Variants in SEMA5A observed in about 807,000 individuals in gnomAD.
SEMA5A encodes the protein semaphorin-5A.
Under a neutral mutation model 135.5 loss-of-function variants are expected in SEMA5A, and 55 were observed. The observed-to-expected ratio is 0.41, with a 90% CI of 0.33 to 0.51. The LOEUF is 0.51. Among genes scored for constraint, SEMA5A ranks in the 20% least tolerant of loss-of-function variants. The probability of loss-of-function intolerance (pLI) is 0.37; values close to 1 mark genes in which losing one functional copy is unlikely to be tolerated. For missense variants in SEMA5A, 1,290 were observed against 1,419.9 expected (o/e 0.91, Z 1.47); for synonymous variants, 580 against 546.5 (o/e 1.06, Z -0.85).
chr5:9,316,178 G>A (rs896438132), intron 5 of SEMA5A, among the ~76,000 whole-genome samples: 1 of 151,966 alleles, frequency 6.6e-6, no homozygotes, highest in African/African-American at 2.4e-5. Flanking sequence ...TTTCTTCAGC[G>A]AGCCCACTTC....
At chr5:9,160,464 G>A (rs1178134411) in intron 11 of SEMA5A, among the ~76,000 whole-genome samples, 1 of 152,148 alleles carries the variant, frequency 6.6e-6, no homozygotes. Flanking sequence ...ATAATTAAAT[G>A]TTGGTGTTTC....
chr5:9,101,008 TC>T (rs2150141674), intron 16 of SEMA5A, among the ~76,000 whole-genome samples: 1 of 152,346 alleles, frequency 6.6e-6, no homozygotes, highest in Admixed American at 6.5e-5. Flanking sequence ...CATCTAGATA[TC>T]TGGGGCTTTC....
intron 12 of SEMA5A, among the ~76,000 whole-genome samples, chr5:9,147,622 T>C: frequency 6.6e-6 from 1 of 151,812 alleles, no homozygotes; most frequent in African/African-American, 2.4e-5. Flanking sequence ...TAAGGCACAA[T>C]TTAAAAGGTG....
chr5:9,229,271 T>G (rs1209984618), intron 6 of SEMA5A, among the ~76,000 whole-genome samples: 1 of 152,250 alleles, frequency 6.6e-6, no homozygotes, highest in African/African-American at 2.4e-5. Flanking sequence ...AGACAGTGAA[T>G]CTGGTAACTG....
intron 16 of SEMA5A, among the ~76,000 whole-genome samples, chr5:9,096,976 C>T (rs1415837793): frequency 1.3e-5 from 2 of 151,950 alleles, no homozygotes; most frequent in Non-Finnish European, 1.5e-5. Context: ...AAACGAGTAA[C>T]TATGAGAGAA....
intron 2 of SEMA5A, among the ~76,000 whole-genome samples, chr5:9,380,915 G>T (rs1186505663): frequency 6.6e-6 from 1 of 151,526 alleles, no homozygotes; most frequent in African/African-American, 2.4e-5. Flanking sequence ...AACAGATGGA[G>T]GTTTCTGGAA....
chr5:9,203,301 A>T (rs1226904326), intron 8 of SEMA5A, among the ~76,000 whole-genome samples: 1 of 152,264 alleles, frequency 6.6e-6, no homozygotes, highest in African/African-American at 2.4e-5. Context: ...TAATGGAAAG[A>T]TACAGACAAC....
Position 9,119,547 on chromosome 5 carries a change from A to C in SEMA5A, c.1782-406T>G, listed in dbSNP as rs970325023. 4.6e-5 allele frequency among the ~76,000 whole-genome samples: 7 copies of C among 152,200 alleles called. No individual in the cohort carries two copies. The South Asian group carries it at 8.3e-4, about 18-fold the overall frequency. The stretch of plus-strand genomic sequence containing the variant: ...ACTTGTATTATATCATTTATAATCT[A>C]TGAGAAGTGCACCTTTGGACAAAAT... On this transcript the variant is annotated intron_variant, in intron 14 of 22. Transcript: ENST00000382496.
intron 11 of SEMA5A, among the ~76,000 whole-genome samples, chr5:9,161,486 T>A (rs1188789596): frequency 6.6e-6 from 1 of 152,238 alleles, no homozygotes; most frequent in East Asian, 1.9e-4. Flanking sequence ...TCCAAAAAAA[T>A]TATGTGATAT....
At chr5:9,436,924 C>A (rs1032016270) in intron 2 of SEMA5A, among the ~76,000 whole-genome samples, 7 of 149,938 alleles carry the variant, frequency 4.7e-5, no homozygotes, top group African/African-American at 1.7e-4. Flanking sequence ...CAAACAAGCA[C>A]GATTCGTGGT....
rs747431114 is a variant in SEMA5A at position 9,202,170 on chromosome 5, C to T, written c.717G>A (p.Glu239=). ...AGAACACTGTTTTCCCACAGTCATGCTCTACTGCATTTTCTCGGAAAAAGA... is the reference window on the plus strand; with the variant it reads ...AGAACACTGTTTTCCCACAGTCATGTTCTACTGCATTTTCTCGGAAAAAGA... The part of the protein sequence containing the change: ...TYFFFRENAV[E]HDCGKTVFSR... The change falls in exon 9 of 23, where the codon GAG becomes GAA. Residue 239 remains glutamate (E), a synonymous_variant. Coordinates refer to ENST00000382496, the MANE Select transcript of SEMA5A (RefSeq NM_003966.3). The T allele has an allele frequency of 6.0e-5, 97 of 1,614,030 alleles. 3 individuals are homozygous for T. The Middle Eastern group carries it at 6.2e-3, about 104-fold the overall frequency.
At chr5:9,253,195 A>C (rs1444045101) in intron 5 of SEMA5A, among the ~76,000 whole-genome samples, 1 of 152,190 alleles carries the variant, frequency 6.6e-6, no homozygotes, top group Non-Finnish European at 1.5e-5. Context: ...TAATGCTAAC[A>C]GAGTTGTCTG....
At chr5:9,221,738 T>C (rs1194908883) in intron 8 of SEMA5A, among the ~76,000 whole-genome samples, 1 of 152,182 alleles carries the variant, frequency 6.6e-6, no homozygotes, top group Non-Finnish European at 1.5e-5. Context: ...GCAGAAAGAA[T>C]CAGCTACAGA....
chr5:9,154,062 A>AAAAAATAT (rs1159261162), intron 12 of SEMA5A, among the ~76,000 whole-genome samples: 1 of 68,294 alleles, frequency 1.5e-5, no homozygotes, highest in Non-Finnish European at 3.1e-5. Context: ...AAAAAAAAAA[A>AAAAAATAT]ATATATATAT....
chr5:9,326,098 G>A (rs1355417596), intron 4 of SEMA5A, among the ~76,000 whole-genome samples: 2 of 152,310 alleles, frequency 1.3e-5, no homozygotes, highest in East Asian at 3.9e-4. Context: ...AGTCTCTCCT[G>A]TCCCTGCACC....
intron 2 of SEMA5A, among the ~76,000 whole-genome samples, chr5:9,401,949 T>C (rs1321269391): frequency 6.6e-6 from 1 of 152,174 alleles, no homozygotes; most frequent in African/African-American, 2.4e-5. Flanking sequence ...GCCCCGTGTA[T>C]GTGTTGCTAC....
intron 14 of SEMA5A, among the ~76,000 whole-genome samples, chr5:9,120,281 AT>A (rs1351786747): frequency 1.3e-5 from 2 of 152,074 alleles, no homozygotes; most frequent in African/African-American, 4.8e-5. Context: ...TACTTCGTGT[AT>A]TTCCTTTTAA....
chr5:9,092,866 T>A (rs934934268), intron 16 of SEMA5A, among the ~76,000 whole-genome samples: 1 of 152,206 alleles, frequency 6.6e-6, no homozygotes, highest in East Asian at 1.9e-4. Context: ...ATACATTAAA[T>A]AACTAGGTTC....
chr5:9,173,884 T>TTAACATTATGAAAACA (rs981412488), intron 11 of SEMA5A, among the ~76,000 whole-genome samples: 1 of 152,222 alleles, frequency 6.6e-6, no homozygotes, highest in African/African-American at 2.4e-5. Flanking sequence ...CATTCCTTTC[T>TTAACATTATGAAAACA]TAACATTATG....
Sources: gnomAD v4.1 joint callset for allele counts (sites outside exome capture counted in the v4.1 genomes callset) on GRCh38, gnomAD v4.1.1 for gene constraint, MANE v1.5 for transcripts, NCBI Gene and HGNC (gene_info 2026-07-23, HGNC 2026-07-21) for gene names.